Variants in SPATA22 observed in about 807,000 individuals in gnomAD.
SPATA22 encodes the protein spermatogenesis-associated protein 22.
SPATA22 carries 29 observed loss-of-function variants against 47.8 expected under a neutral mutation model. The ratio of observed to expected loss-of-function variants is 0.61; its 90% CI spans 0.45 to 0.83. The LOEUF is 0.83. Ranked by LOEUF, SPATA22 falls within the 40% of genes least tolerant of loss-of-function variation. The probability of loss-of-function intolerance (pLI) is 0.00; values close to 1 mark genes in which losing one functional copy is unlikely to be tolerated. For missense variants in SPATA22, 410 were observed against 421.7 expected, an observed-to-expected ratio of 0.97 and a Z score of 0.24; for synonymous variants, 133 against 140.9, an observed-to-expected ratio of 0.94 and a Z score of 0.40.
At chr17:3,508,615 T>C (rs974280728) in intron 1 of SPATA22, among the ~76,000 whole-genome samples, 27 of 143,268 alleles carry the variant, frequency 1.9e-4, no homozygotes, top group Non-Finnish European at 3.2e-4. Context: ...ATGGATGAAA[T>C]TGGAAATCAT....
In SPATA22 at chr17:3,490,985, C is replaced by A. The variant is rs1006445555; in HGVS notation, c.-73-21587G>T. On this transcript the variant is annotated intron_variant, in intron 1 of 8. Coordinates refer to the SPATA22 transcript ENST00000541913. This position sits in a 1 kb window ranked among gnomAD's most constrained non-coding sequence, Gnocchi z 4.6. ...TAGACTATCCAGCTTGGTGGATTTTCAACTGAGCACTCCTATCCACAGAAT... is the reference window on the plus strand; with the variant it reads ...TAGACTATCCAGCTTGGTGGATTTTAAACTGAGCACTCCTATCCACAGAAT... Among the ~76,000 whole-genome samples, 1 of 152,174 alleles carries A rather than the reference C, an allele frequency of 6.6e-6. No homozygotes were observed. The highest frequency in any genetic ancestry group is 1.5e-5 in the Non-Finnish European group (1 of 68,032).
intron 1 of SPATA22, among the ~76,000 whole-genome samples, chr17:3,491,315 CT>C (rs1223178744): frequency 2.0e-5 from 3 of 151,860 alleles, no homozygotes; most frequent in Non-Finnish European, 2.9e-5. Flanking sequence ...AGGTAATGGT[CT>C]TTTTTTTCTG....
At chr17:3,444,295 A>G (rs1175444725) in intron 7 of SPATA22, among the ~76,000 whole-genome samples, 1 of 152,028 alleles carries the variant, frequency 6.6e-6, no homozygotes, top group African/African-American at 2.4e-5. Context: ...CCATCCCCAG[A>G]TCCACGAGTG....
intron 5 of SPATA22, among the ~76,000 whole-genome samples, chr17:3,457,964 G>T (rs35843741): frequency 0.23 from 35,600 of 151,972 alleles, 4,440 homozygotes; most frequent in East Asian, 0.43. Flanking sequence ...AAAGCAAAAG[G>T]AAATATTTGA....
At chr17:3,512,032 A>T (rs2150774255) in intron 1 of SPATA22, 1 of 152,310 alleles carries the variant, frequency 6.6e-6, no homozygotes, top group African/African-American at 2.4e-5. Context: ...GGGACCTTAA[A>T]CTTCTTCCAA....
In SPATA22 at chr17:3,446,592, A is replaced by G; in HGVS notation, c.682T>C (p.Leu228=). 1 of 1,556,814 alleles carries G rather than the reference A, an allele frequency of 6.4e-7. No homozygotes were observed. The highest frequency in any genetic ancestry group is 8.7e-7 in the Non-Finnish European group (1 of 1,148,344). The change falls in exon 7 of 9, where the codon TTG becomes CTG. Residue 228 remains leucine (L), a synonymous_variant. Coordinates refer to ENST00000572969, the MANE Select transcript of SPATA22 (RefSeq NM_001170698.2). ...TTTTCCTTAAACTGTAACTGATACA[A>G]TGAGGTTTCCTTTTGAAAAAATAAG... ...PEDNTLKETS[L]YQLQFKEKAS... is the part of the protein sequence containing the mutation.
At chr17:3,450,328 A>G (rs1469708386) in intron 5 of SPATA22, among the ~76,000 whole-genome samples, 2 of 152,216 alleles carry the variant, frequency 1.3e-5, no homozygotes, top group Admixed American at 1.3e-4. Flanking sequence ...TTTGGGGAAC[A>G]CTGTTAATTG....
At chr17:3,443,473 C>A (rs1211344109) in intron 7 of SPATA22, among the ~76,000 whole-genome samples, 1 of 151,900 alleles carries the variant, frequency 6.6e-6, no homozygotes, top group Non-Finnish European at 1.5e-5. Flanking sequence ...TGACTCTCTC[C>A]AACTTAGGAA....
chr17:3,473,929 T>C (rs895303963), upstream of SPATA22: 9 of 152,234 alleles, frequency 5.9e-5, no homozygotes, highest in African/African-American at 1.9e-4. Context: ...AATAATGAGA[T>C]AGTGACAATT....
At position 3,446,534 on chromosome 17, in the gene SPATA22, A is replaced by G; in HGVS notation, c.740T>C (p.Ile247Thr). The change falls in exon 7 of 9, where the codon ATT (isoleucine) becomes ACT (threonine). Residue 247 changes from isoleucine (I) to threonine (T), a missense_variant. Physicochemically the swap from Ile to Thr is moderately conservative, Grantham distance 89. Transcript: ENST00000572969. ...ASSLRIISAV[I>T]ESMKYWREHA... is the part of the protein sequence containing the mutation. ...TTCACGCCAATACTTCATGCTTTCA[A>G]TAACTGCAGAAATAATTCTTAAAGA... 3 of 1,608,930 alleles carry G rather than the reference A, an allele frequency of 1.9e-6. No individual in the cohort carries two copies. Among genetic ancestry groups the G allele is most frequent in the South Asian group, 1.1e-5 (1 of 90,116 alleles).
chr17:3,473,026 A>G (rs2073467672), upstream of SPATA22, among the ~76,000 whole-genome samples: 1 of 151,920 alleles, frequency 6.6e-6, no homozygotes, highest in South Asian at 2.1e-4. Context: ...GCTTCAGGGA[A>G]GCAGATTTTG....
At chr17:3,460,600 G>A (rs2073103588) in intron 5 of SPATA22, among the ~76,000 whole-genome samples, 1 of 151,676 alleles carries the variant, frequency 6.6e-6, no homozygotes, top group African/African-American at 2.4e-5. Flanking sequence ...ACCAGCCTGG[G>A]CAACACAGCA....
intron 1 of SPATA22, among the ~76,000 whole-genome samples, chr17:3,509,029 C>T (rs2074075214): frequency 6.6e-6 from 1 of 150,544 alleles, no homozygotes; most frequent in Non-Finnish European, 1.5e-5. Flanking sequence ...ATAGTAAGAA[C>T]ATCAGCTCTT....
At chr17:3,448,670 A>T (rs181108245) in intron 6 of SPATA22, 137 bp downstream of exon 6, 286 of 637,694 alleles carry the variant, frequency 4.5e-4, no homozygotes, top group Non-Finnish European at 5.0e-4. Flanking sequence ...ACTTCAATGG[A>T]ACTGAATATT....
At chr17:3,489,769 A>G (rs2073791412) in intron 1 of SPATA22, among the ~76,000 whole-genome samples, 1 of 152,206 alleles carries the variant, frequency 6.6e-6, no homozygotes, top group Non-Finnish European at 1.5e-5. Context: ...ATATAAGTGA[A>G]CATATAAGTT....
chr17:3,448,230 G>C (rs151253144), intron 6 of SPATA22, among the ~76,000 whole-genome samples: 1 of 152,164 alleles, frequency 6.6e-6, no homozygotes, highest in East Asian at 1.9e-4. Flanking sequence ...ATAAAGCAAA[G>C]GTCATAATAA....
Position 3,458,855 on chromosome 17 carries a change from C to CAAAAAAAAAAAAAAAAAAAAAAA in SPATA22, c.329+3605_329+3627dup, listed in dbSNP as rs545223532. Among the ~76,000 whole-genome samples, 49 of 38,344 alleles carry CAAAAAAAAAAAAAAAAAAAAAAA rather than the reference C, an allele frequency of 1.3e-3. 1 individual carries two copies. The highest frequency in any genetic ancestry group is 0.029 in the Middle Eastern group (1 of 34). The allele number at this position is 38,344 out of a possible 152,430, so 25.2% of individuals were successfully genotyped here. ...CCTGGGCAACAAGAGCGAAACTTCA[C>CAAAAAAAAAAAAAAAAAAAAAAA]AAAAAAAAAAAAAAAAAAAAAAAAA... On this transcript the variant is annotated intron_variant, in intron 5 of 8. Coordinates refer to ENST00000572969, the MANE Select transcript of SPATA22 (RefSeq NM_001170698.2).
exon 1 of SPATA22, chr17:3,513,835 C>T: frequency 8.0e-7 from 1 of 1,253,910 alleles, no homozygotes; most frequent in Non-Finnish European, 1.2e-6. Flanking sequence ...TCCACCATCC[C>T]TCAAAGCCTC....
intron 1 of SPATA22, among the ~76,000 whole-genome samples, chr17:3,508,897 TAAAAA>T (rs59201485): frequency 1.9e-4 from 22 of 112,994 alleles, no homozygotes; most frequent in Non-Finnish European, 3.4e-4. Context: ...GCTTAAAGTA[TAAAAA>T]AAAAAAAAAA....
Sources: allele counts gnomAD v4.1 joint callset (sites outside exome capture counted in the v4.1 genomes callset), GRCh38; gene constraint gnomAD v4.1.1; non-coding constraint Gnocchi (gnomAD v3.1); transcripts MANE v1.5; gene names NCBI Gene and HGNC (gene_info 2026-07-23, HGNC 2026-07-21).